EEFSEC: variants seen among roughly 807,000 people sequenced by gnomAD.
EEFSEC encodes the protein selenocysteine-specific elongation factor.
EEFSEC carries 43 observed loss-of-function variants against 42.1 expected under a neutral mutation model. The ratio of observed to expected loss-of-function variants is 1.02; its 90% CI spans 0.80 to 1.32. The LOEUF is 1.32. EEFSEC is among the 40% of genes most tolerant of loss of function. The pLI is 0.00. For missense variants in EEFSEC, 745 were observed against 803.6 expected, an observed-to-expected ratio of 0.93 and a Z score of 0.88; for synonymous variants, 354 against 339.1, an observed-to-expected ratio of 1.04 and a Z score of -0.48.
At chr3:128,236,677 C>T (rs150114347) in intron 1 of EEFSEC, among the ~76,000 whole-genome samples, 1 of 152,300 alleles carries the variant, frequency 6.6e-6, no homozygotes, top group East Asian at 1.9e-4. Context: ...CATCTCCTTC[C>T]TCTTCCTCAA....
intron 1 of EEFSEC, among the ~76,000 whole-genome samples, chr3:128,169,004 G>A (rs556630034): frequency 6.6e-6 from 1 of 152,276 alleles, no homozygotes; most frequent in South Asian, 2.1e-4. Context: ...AGTTTCTAGT[G>A]GTCAACAAAG....
chr3:128,279,235 C>T (rs1010903343), intron 4 of EEFSEC, among the ~76,000 whole-genome samples: 6 of 152,198 alleles, frequency 3.9e-5, no homozygotes, highest in African/African-American at 4.8e-5. Context: ...GAAGGCAGCT[C>T]GGGCTGTGCG....
intron 1 of EEFSEC, among the ~76,000 whole-genome samples, chr3:128,246,047 G>A (rs926039040): frequency 1.3e-5 from 2 of 152,144 alleles, no homozygotes; most frequent in South Asian, 2.1e-4. Context: ...GAAGTTACAC[G>A]CTTCTTGTTG....
intron 4 of EEFSEC, among the ~76,000 whole-genome samples, chr3:128,281,182 C>T (rs2107966309): frequency 6.6e-6 from 1 of 152,336 alleles, no homozygotes; most frequent in South Asian, 2.1e-4. Context: ...AGTTAAGTCA[C>T]ATATTTTAAA....
At chr3:128,382,570 C>T (rs1011419884) in intron 6 of EEFSEC, among the ~76,000 whole-genome samples, 1 of 152,206 alleles carries the variant, frequency 6.6e-6, no homozygotes, top group African/African-American at 2.4e-5. Flanking sequence ...TTTTATTGGA[C>T]TTGCCACCCT....
intron 2 of EEFSEC, among the ~76,000 whole-genome samples, chr3:128,253,120 G>A (rs1408835796): frequency 6.6e-6 from 1 of 152,208 alleles, no homozygotes; most frequent in Non-Finnish European, 1.5e-5. Context: ...CAGACACCTG[G>A]CCCAACACAC....
intron 2 of EEFSEC, among the ~76,000 whole-genome samples, chr3:128,253,366 T>C (rs974926094): frequency 6.6e-6 from 1 of 152,124 alleles, no homozygotes; most frequent in African/African-American, 2.4e-5. Context: ...CCTACCCATC[T>C]CTTTCTCCTA....
At chr3:128,250,911 G>GTTTTTTTTTTTTTTTTTTTTTTT (rs35594175) in intron 2 of EEFSEC, among the ~76,000 whole-genome samples, 1 of 108,588 alleles carries the variant, frequency 9.2e-6, no homozygotes, top group Non-Finnish European at 1.8e-5. Flanking sequence ...GTTTTTTTTG[G>GTTTTTTTTTTTTTTTTTTTTTTT]TTTTTTTTTT....
At chr3:128,298,662 C>T (rs894613952) in intron 4 of EEFSEC, among the ~76,000 whole-genome samples, 13 of 152,166 alleles carry the variant, frequency 8.5e-5, no homozygotes, top group Non-Finnish European at 1.6e-4. Context: ...GCCTACTGTA[C>T]GTTAGAACAC....
In EEFSEC at chr3:128,329,743, C is replaced by T. The variant is rs1034114979; in HGVS notation, c.787-11490C>T. On this transcript the variant is annotated intron_variant, in intron 4 of 6. Transcript: ENST00000254730. ...AGCCAGATGGCCACAGGCCTGTGTG[C>T]CCATCCAGCAGCCTGCCCTGAGGGG... is the stretch of plus-strand genomic sequence containing the variant. 4.6e-5 allele frequency among the ~76,000 whole-genome samples: 7 copies of T among 152,158 alleles called. No homozygotes were observed. The East Asian group carries it at 1.3e-3, about 29-fold the overall frequency.
At chr3:128,308,180 G>T (rs540789043) in intron 4 of EEFSEC, among the ~76,000 whole-genome samples, 2 of 152,362 alleles carry the variant, frequency 1.3e-5, no homozygotes, top group African/African-American at 4.8e-5. Flanking sequence ...CTCAGAAGAG[G>T]CTGGAGGCCA....
At chr3:128,335,703 G>A (rs1457351524) in intron 4 of EEFSEC, among the ~76,000 whole-genome samples, 1 of 152,308 alleles carries the variant, frequency 6.6e-6, no homozygotes, top group African/African-American at 2.4e-5. Context: ...AGAACAGGCT[G>A]TGGGGAAGAA....
chr3:128,378,795 A>C (rs1478083097), intron 6 of EEFSEC, among the ~76,000 whole-genome samples: 6 of 152,180 alleles, frequency 3.9e-5, no homozygotes, highest in Non-Finnish European at 8.8e-5. Flanking sequence ...CAGACAGCTC[A>C]TCCCACTCCC....
At chr3:128,271,640 C>T (rs1051706808) in intron 4 of EEFSEC, among the ~76,000 whole-genome samples, 3 of 152,114 alleles carry the variant, frequency 2.0e-5, no homozygotes, top group African/African-American at 7.2e-5. Flanking sequence ...GCAGATCAGC[C>T]CACCCTTGGT....
At chr3:128,346,098 G>A (rs567977222) in intron 5 of EEFSEC, among the ~76,000 whole-genome samples, 4 of 152,324 alleles carry the variant, frequency 2.6e-5, no homozygotes, top group Admixed American at 6.5e-5. Context: ...TTTCCTGTGC[G>A]TCTGCATCAC....
intron 1 of EEFSEC, among the ~76,000 whole-genome samples, chr3:128,170,521 G>A (rs2065285427): frequency 6.6e-6 from 1 of 151,908 alleles, no homozygotes; most frequent in East Asian, 1.9e-4. Context: ...AAGCTTTCTT[G>A]GGATACCAGT....
chr3:128,383,104 G>A (rs957687436), intron 6 of EEFSEC, among the ~76,000 whole-genome samples: 3 of 151,870 alleles, frequency 2.0e-5, no homozygotes, highest in Non-Finnish European at 2.9e-5. Context: ...CTGCCTCCTC[G>A]GGCCCCTCTG....
At chr3:128,280,122 T>A (rs556039692) in intron 4 of EEFSEC, among the ~76,000 whole-genome samples, 1 of 152,352 alleles carries the variant, frequency 6.6e-6, no homozygotes, top group African/African-American at 2.4e-5. Flanking sequence ...TCTCAATATG[T>A]ATGATTTGGT....
At chr3:128,410,934 C>T (rs1272147937), downstream of EEFSEC, among the ~76,000 whole-genome samples, 1 of 152,182 alleles carries the variant, frequency 6.6e-6, no homozygotes, top group Non-Finnish European at 1.5e-5. Context: ...CACAGAGGCA[C>T]AGAAGGGAGG....
Sources: gnomAD v4.1 joint callset for allele counts (sites outside exome capture counted in the v4.1 genomes callset) on GRCh38, gnomAD v4.1.1 for gene constraint, MANE v1.5 for transcripts, NCBI Gene and HGNC (gene_info 2026-07-23, HGNC 2026-07-21) for gene names.